EMC8: variants seen among roughly 807,000 people sequenced by gnomAD.
The protein encoded by EMC8 is COX4 neighbor.
In EMC8, 11 loss-of-function variants were observed where a neutral mutation model predicts 24.3. The ratio of observed to expected loss-of-function variants is 0.45; its 90% CI spans 0.28 to 0.75. EMC8 has a LOEUF of 0.75. EMC8 is among the 30% of genes least tolerant of loss of function. The pLI is 0.12. For missense variants in EMC8, 277 were observed against 282.7 expected (o/e 0.98, Z 0.14); for synonymous variants, 145 against 117.7 (o/e 1.23, Z -1.50).
intron 1 of EMC8, among the ~76,000 whole-genome samples, chr16:85,796,897 G>T (rs1400233478): frequency 6.6e-6 from 1 of 152,242 alleles, no homozygotes; most frequent in Non-Finnish European, 1.5e-5. Context: ...TTTAGGTGCT[G>T]TGCTTGCTGG....
intron 4 of EMC8, chr16:85,780,076 TTC>T: frequency 1.7e-6 from 1 of 597,382 alleles, no homozygotes; most frequent in Non-Finnish European, 2.9e-6. Context: ...TCACGTGGAA[TTC>T]TGAGAAAGTT....
At chr16:85,781,349 A>G in intron 2 of EMC8, 69 bp from the exon 3 acceptor site, 4 of 987,436 alleles carry the variant, frequency 4.1e-6, no homozygotes, top group Non-Finnish European at 6.5e-6. Context: ...GGCACAGTCA[A>G]CACCACTGAG....
intron 3 of EMC8, 43 bp downstream of exon 3, chr16:85,781,168 G>A (rs758180371): frequency 9.6e-6 from 14 of 1,451,340 alleles, no homozygotes; most frequent in Admixed American, 1.7e-5. Flanking sequence ...GTTGGTGAGA[G>A]GAGGCGCAAG....
At chr16:85,797,396 G>A (rs372921152) in intron 1 of EMC8, among the ~76,000 whole-genome samples, 1 of 152,004 alleles carries the variant, frequency 6.6e-6, no homozygotes, top group South Asian at 2.1e-4. Flanking sequence ...TGACAAGAGC[G>A]AAACTCCATC....
At chr16:85,796,995 CT>C (rs202218288) in intron 1 of EMC8, among the ~76,000 whole-genome samples, 2,949 of 152,342 alleles carry the variant, frequency 0.019, 101 homozygotes, top group African/African-American at 0.067. Context: ...AAAGCAGATA[CT>C]CAAAAACATT....
intron 2 of EMC8, among the ~76,000 whole-genome samples, chr16:85,788,353 C>G (rs1008676929): frequency 6.6e-6 from 1 of 152,260 alleles, no homozygotes; most frequent in Non-Finnish European, 1.5e-5. Context: ...GCGTTATCTA[C>G]GGCCCAGGCC....
intron 2 of EMC8, among the ~76,000 whole-genome samples, chr16:85,788,138 C>T (rs535907074): frequency 5.3e-5 from 8 of 152,344 alleles, no homozygotes; most frequent in Non-Finnish European, 1.2e-4. Flanking sequence ...GCTTCTGGCT[C>T]GGTTCAGCCA....
intron 3 of EMC8, chr16:85,780,988 G>A (rs1470908280): frequency 3.5e-6 from 2 of 565,664 alleles, no homozygotes; most frequent in Non-Finnish European, 6.3e-6. Flanking sequence ...TGCTGCGGCT[G>A]GCAGGGGACC....
At chr16:85,788,923 G>A in intron 2 of EMC8, 51 bp downstream of exon 2, 1 of 1,316,240 alleles carries the variant, frequency 7.6e-7, no homozygotes, top group Non-Finnish European at 1.1e-6. Context: ...GACGGGGTCT[G>A]CCCAACACGT....
Position 85,780,150 on chromosome 16 carries a change from G to T in EMC8, c.473+229C>A. The T allele has an allele frequency of 2.2e-5, 13 of 601,728 alleles. No individual in the cohort carries two copies. In the South Asian group the frequency reaches 2.6e-4, roughly 12 times the overall value. 37.3% of individuals were successfully genotyped at this position (601,728 alleles called of 1,614,324 possible). The stretch of plus-strand genomic sequence containing the variant: ...ATACATCAAAGCACAGGCCTGGGAA[G>T]AGTGTCTGTGCTCTAGCGCCTGGGG... On this transcript the variant is annotated intron_variant, in intron 4 of 4. Transcript: ENST00000253457.
chr16:85,779,647 A>G lies in EMC8; in HGVS notation c.*61T>C. On this transcript the variant is annotated 3_prime_UTR_variant, in exon 5 of 5. Coordinates refer to ENST00000253457, the MANE Select transcript of EMC8 (RefSeq NM_006067.5). The stretch of plus-strand genomic sequence containing the variant: ...TACAAGATATTTTATTTACATTTAA[A>G]AATAGGTTTTCTTCTTCAACGTAGT... The G allele has an allele frequency of 6.5e-7, 1 of 1,536,588 alleles. No individual in the cohort carries two copies. The highest frequency in any genetic ancestry group is 1.4e-5 in the African/African-American group (1 of 73,364).
rs1051880336 is a variant in EMC8, at chr16:85,799,418, G to A, written c.-123C>T. On this transcript the variant is annotated 5_prime_UTR_variant, in exon 1 of 5. Transcript: ENST00000253457. The surrounding 1 kb of genome is among the most constrained non-coding windows in gnomAD (Gnocchi z 4.2). ...CGGCGGCGATTGATGGCGCGGCCGC[G>A]GGCTGGCGGGGGACCCTTCAGGCCC... is the stretch of plus-strand genomic sequence containing the variant. 19 of 538,132 alleles carry A rather than the reference G, an allele frequency of 3.5e-5. No individual in the cohort carries two copies. The Admixed American group carries it at 6.6e-4, about 19-fold the overall frequency. 33.3% of individuals were successfully genotyped at this position (538,132 alleles called of 1,614,324 possible). A position where few individuals can be genotyped will look rare whatever the true frequency, so the allele number is the denominator to read the frequency against.
At chr16:85,797,637 A>G (rs1905292745) in intron 1 of EMC8, among the ~76,000 whole-genome samples, 1 of 152,354 alleles carries the variant, frequency 6.6e-6, no homozygotes, top group South Asian at 2.1e-4. Flanking sequence ...CTCTTTGCCC[A>G]GAGATACTTC....
intron 1 of EMC8, among the ~76,000 whole-genome samples, chr16:85,794,226 A>C (rs1239943835): frequency 1.3e-5 from 2 of 152,232 alleles, no homozygotes; most frequent in Admixed American, 6.5e-5. Context: ...CACTAAGTCA[A>C]AAAGTGAATA....
At chr16:85,790,732 C>T (rs1904968803) in intron 1 of EMC8, among the ~76,000 whole-genome samples, 1 of 152,178 alleles carries the variant, frequency 6.6e-6, no homozygotes, top group South Asian at 2.1e-4. Flanking sequence ...CCTATCCCTG[C>T]TCTCCAGTGT....
At chr16:85,784,124 A>G (rs1014635253) in intron 2 of EMC8, among the ~76,000 whole-genome samples, 2 of 151,916 alleles carry the variant, frequency 1.3e-5, no homozygotes, top group African/African-American at 2.4e-5. Flanking sequence ...TCAGCCTCCC[A>G]AGTAGCTGGG....
intron 1 of EMC8, among the ~76,000 whole-genome samples, chr16:85,789,911 C>G (rs1320425542): frequency 6.6e-6 from 1 of 152,074 alleles, no homozygotes; most frequent in Admixed American, 6.6e-5. Context: ...GGAAGGGGCA[C>G]GTGCACATGT....
chr16:85,795,334 A>T (rs559950808), intron 1 of EMC8, among the ~76,000 whole-genome samples: 1 of 151,836 alleles, frequency 6.6e-6, no homozygotes. Context: ...CTCCTCCTCC[A>T]CTCAACCCAT....
intron 1 of EMC8, among the ~76,000 whole-genome samples, chr16:85,794,218 C>G (rs1011329105): frequency 1.2e-4 from 18 of 152,116 alleles, no homozygotes; most frequent in African/African-American, 4.3e-4. Flanking sequence ...TAGGAAGTCA[C>G]TAAGTCAAAA....
Sources: gnomAD v4.1 joint callset for allele counts (sites outside exome capture counted in the v4.1 genomes callset) on GRCh38, gnomAD v4.1.1 for gene constraint, Gnocchi (gnomAD v3.1) non-coding constraint, MANE v1.5 for transcripts, NCBI Gene and HGNC (gene_info 2026-07-23, HGNC 2026-07-21) for gene names.